Variants in C3 observed in about 807,000 individuals in gnomAD.
C3 encodes complement C3, also known as C3 and PZP-like alpha-2-macroglobulin domain-containing protein 1.
Under a neutral mutation model 207.9 loss-of-function variants are expected in C3, and 97 were observed. The observed-to-expected ratio is 0.47, with a 90% confidence interval of 0.40 to 0.55. C3 has a LOEUF of 0.55. Among genes scored for constraint, C3 ranks in the 20% least tolerant of loss-of-function variants. C3 has a pLI of 0.00. For missense variants in C3, 1,684 were observed against 2,171.7 expected (o/e 0.78, Z 4.46); for synonymous variants, 848 against 857.6 (o/e 0.99, Z 0.20).
At chr19:6,679,013 G>T in intron 38 of C3, 112 bp downstream of exon 38, 1 of 813,166 alleles carries the variant, frequency 1.2e-6, no homozygotes, top group Non-Finnish European at 2.2e-6. Flanking sequence ...ACACACCACA[G>T]TCACCCACAC....
chr19:6,720,046 A>C (rs568128117), intron 1 of C3, among the ~76,000 whole-genome samples: 3 of 152,198 alleles, frequency 2.0e-5, no homozygotes, highest in African/African-American at 7.2e-5. Flanking sequence ...GTAAAGTCCA[A>C]ACCTCCGAGT....
chr19:6,702,265 G>A (rs1967693067), intron 18 of C3, 53 bp from the exon 19 acceptor site: 1 of 1,236,576 alleles, frequency 8.1e-7, no homozygotes, highest in Non-Finnish European at 1.2e-6. Flanking sequence ...CAGGGTGGTA[G>A]AGGGGAAGAA....
At chr19:6,688,417 C>T (rs997491622) in intron 27 of C3, among the ~76,000 whole-genome samples, 5 of 152,226 alleles carry the variant, frequency 3.3e-5, no homozygotes, top group African/African-American at 1.2e-4. Context: ...TACAGGCTCA[C>T]TGTGCCTGGC....
intron 4 of C3, chr19:6,717,870 G>A: frequency 1.6e-6 from 1 of 632,946 alleles, no homozygotes; most frequent in Non-Finnish European, 2.9e-6. Context: ...GTGTGCACAT[G>A]TGTCTGCATA....
intron 27 of C3, among the ~76,000 whole-genome samples, chr19:6,687,354 A>T (rs1255113048): frequency 2.0e-5 from 3 of 152,206 alleles, no homozygotes; most frequent in Non-Finnish European, 4.4e-5. Context: ...TCCAGTCATC[A>T]TCATCATCGT....
At chr19:6,709,635 G>A in intron 14 of C3, 49 bp downstream of exon 14, 1 of 597,782 alleles carries the variant, frequency 1.7e-6, no homozygotes, top group Non-Finnish European at 2.7e-6. Context: ...CCCAGCCCCA[G>A]CTCCGTGCCT....
rs1362800698 is a variant in C3, at chr19:6,679,178, T to C, written c.4577A>G (p.Lys1526Arg). Residue 1526 changes from lysine to arginine, a missense_variant, in exon 38 of 41, where the codon AAG (lysine) becomes AGG (arginine). Transcript: ENST00000245907. ...GTCCAGCCGTTCTTCCAGGGTGACC[T>C]TGTCATCCGACTTTTGTATGAAGCA... The part of the protein sequence containing the change: ...ENCFIQKSDD[K>R]VTLEERLDKA... The C allele has an allele frequency of 6.2e-7, 1 of 1,614,202 alleles. No individual in the cohort carries two copies. Among genetic ancestry groups the C allele is most frequent in the Non-Finnish European group, 8.5e-7 (1 of 1,180,008 alleles).
chr19:6,707,744 A>G (rs1967810853), intron 15 of C3, 56 bp downstream of exon 15: 3 of 1,606,550 alleles, frequency 1.9e-6, no homozygotes, highest in South Asian at 1.1e-5. Flanking sequence ...TGCTCCCAGC[A>G]TCTGGGAGGT....
intron 40 of C3, 50 bp from the exon 41 acceptor site, chr19:6,678,073 C>A (rs1032790084): frequency 6.2e-7 from 1 of 1,613,774 alleles, no homozygotes; most frequent in East Asian, 2.2e-5. Context: ...GGGCGTGGCG[C>A]AGGGGCGTGA....
At chr19:6,697,246 T>C in intron 21 of C3, 98 bp downstream of exon 21, 1 of 893,952 alleles carries the variant, frequency 1.1e-6, no homozygotes, top group Non-Finnish European at 1.8e-6. Flanking sequence ...CTATGATTCT[T>C]AGTGTCTCAG....
Position 6,710,848 on chromosome 19 carries a change from G to A in C3, c.1480-3C>T, listed in dbSNP as rs761479050. 1.9e-6 allele frequency: 3 copies of A among 1,612,812 alleles called. No individual in the cohort carries two copies. The highest frequency in any genetic ancestry group is 1.7e-5 in the Admixed American group (1 of 59,998). On this transcript the variant is annotated splice_region_variant and splice_polypyrimidine_tract_variant and intron_variant, in intron 12 of 40. Coordinates refer to ENST00000245907, the MANE Select transcript of C3 (RefSeq NM_000064.4). ...AACAGCCTGCCCTTGTTCATGATCT[G>A]GGGGGACAGGCTGGCATCAGGCTGG...
intron 21 of C3, 72 bp from the exon 22 acceptor site, chr19:6,696,731 G>A: frequency 2.1e-6 from 3 of 1,427,268 alleles, no homozygotes; most frequent in Non-Finnish European, 3.0e-6. Flanking sequence ...ATGGTCAGCA[G>A]GGCACTGTCC....
rs1483320856 is a variant in C3 at position 6,700,575 on chromosome 19, TTA to T, written c.2440+1550_2440+1551del. 1.2e-4 allele frequency among the ~76,000 whole-genome samples: 6 copies of T among 50,304 alleles called. 3 individuals are homozygous for T. Among genetic ancestry groups the T allele is most frequent in the African/African-American group, 4.7e-4 (4 of 8,512 alleles). The allele number at this position is 50,304 out of a possible 152,430, so 33.0% of individuals were successfully genotyped here. ...TATAATATATGTAATATATGATATA[TTA>T]TATATGTAATATATAATATATGATA... On this transcript the variant is annotated intron_variant, in intron 19 of 40. Coordinates refer to ENST00000245907, the MANE Select transcript of C3 (RefSeq NM_000064.4).
chr19:6,707,057 C>T lies in C3; in HGVS notation c.2245+19G>A, dbSNP rs1181276147. ...CATCAGACGGCCCCCTCCCCCTGTC[C>T]CCACCCCGTGGGACCTACTCCTGGC... is the stretch of plus-strand genomic sequence containing the variant. On this transcript the variant is annotated intron_variant, in intron 17 of 40. Transcript: ENST00000245907. 4 of 1,603,058 alleles carry T rather than the reference C, an allele frequency of 2.5e-6. No homozygotes were observed. Among genetic ancestry groups the T allele is most frequent in the Non-Finnish European group, 3.4e-6 (4 of 1,176,692 alleles).
chr19:6,687,511 T>C (rs35028655), intron 27 of C3, among the ~76,000 whole-genome samples: 6 of 152,166 alleles, frequency 3.9e-5, no homozygotes, highest in Non-Finnish European at 7.3e-5. Context: ...AGGAAATAAG[T>C]GGCAGAGTTA....
At position 6,677,720 on chromosome 19, in the gene C3, C is replaced by G; in HGVS notation, c.*162G>C. 1.1e-6 allele frequency: 1 copy of G among 883,978 alleles called. No homozygotes were observed. The highest frequency in any genetic ancestry group is 1.7e-6 in the Non-Finnish European group (1 of 578,876). 54.8% of individuals were successfully genotyped at this position (883,978 alleles called of 1,614,324 possible). A position where few individuals can be genotyped will look rare whatever the true frequency, so the allele number is the denominator to read the frequency against. ...AGAAGTCAGCACACTAGCAGGCGAACGCCAGGAGAAAATGCGGTGGGAACA... is the reference window on the plus strand; with the variant it reads ...AGAAGTCAGCACACTAGCAGGCGAAGGCCAGGAGAAAATGCGGTGGGAACA... On this transcript the variant is annotated 3_prime_UTR_variant, in exon 41 of 41. Coordinates refer to ENST00000245907, the MANE Select transcript of C3 (RefSeq NM_000064.4).
chr19:6,693,167 AC>A, intron 25 of C3, 84 bp from the exon 26 acceptor site: 1 of 1,513,336 alleles, frequency 6.6e-7, no homozygotes, highest in Non-Finnish European at 9.1e-7. Context: ...TGGGGGAGGG[AC>A]CAGGGCCTGG....
At chr19:6,710,477 T>A in intron 13 of C3, among the ~76,000 whole-genome samples, 162 bp downstream of exon 13, 1 of 124,938 alleles carries the variant, frequency 8.0e-6, no homozygotes, top group African/African-American at 3.2e-5. Context: ...GAGAGACAGT[T>A]GAGAGACAGA....
intron 9 of C3, 45 bp downstream of exon 9, chr19:6,713,144 G>C: frequency 6.2e-7 from 1 of 1,611,480 alleles, no homozygotes; most frequent in Non-Finnish European, 8.5e-7. Flanking sequence ...CTCTCAGACC[G>C]GCCCACTTGG....
Sources: allele counts gnomAD v4.1 joint callset (sites outside exome capture counted in the v4.1 genomes callset), GRCh38; gene constraint gnomAD v4.1.1; transcripts MANE v1.5; gene names NCBI Gene and HGNC (gene_info 2026-07-23, HGNC 2026-07-21).